The following ZNF451 variants were observed in gnomAD, a reference collection of about 807,000 sequenced individuals.
The protein encoded by ZNF451 is E3 SUMO-protein ligase ZNF451.
ZNF451 carries 80 observed loss-of-function variants against 107.1 expected under a neutral mutation model. The ratio of observed to expected loss-of-function variants is 0.75; its 90% confidence interval spans 0.62 to 0.90. The LOEUF is 0.90. ZNF451 is among the 40% of genes least tolerant of loss of function. The pLI is 0.00. For missense variants in ZNF451, 1,107 were observed against 1,236.2 expected (o/e 0.90, Z 1.57); for synonymous variants, 362 against 406.5 (o/e 0.89, Z 1.32).
At chr6:57,134,965 C>A in intron 7 of ZNF451, 95 bp downstream of exon 7, 1 of 966,536 alleles carries the variant, frequency 1.0e-6, no homozygotes, top group East Asian at 2.5e-5. Context: ...TTGCAATTAC[C>A]AGTGATACAC....
intron 3 of ZNF451, chr6:57,103,826 A>G: frequency 2.0e-6 from 2 of 985,318 alleles, no homozygotes; most frequent in Non-Finnish European, 1.2e-6. Context: ...ACACTTTTTA[A>G]TAATCTATTG....
At chr6:57,105,138 C>T (rs563920173) in intron 3 of ZNF451, 2 of 985,344 alleles carry the variant, frequency 2.0e-6, no homozygotes, top group East Asian at 1.1e-4. Context: ...TTATGCCTGC[C>T]ATGTTCAGAA....
At chr6:57,098,499 A>G (rs982222928) in intron 2 of ZNF451, among the ~76,000 whole-genome samples, 2 of 152,096 alleles carry the variant, frequency 1.3e-5, no homozygotes, top group Non-Finnish European at 2.9e-5. Flanking sequence ...ATCTTGAAGC[A>G]CAGTTCTCAT....
At chr6:57,094,343 C>T (rs1294294647) in intron 2 of ZNF451, among the ~76,000 whole-genome samples, 1 of 151,948 alleles carries the variant, frequency 6.6e-6, no homozygotes. Context: ...CAGGGTCTCA[C>T]TCTTGCCCAG....
chr6:57,161,158 C>G lies in ZNF451; in HGVS notation c.3139+6C>G. On this transcript the variant is annotated splice_donor_region_variant and intron_variant, in intron 14 of 14. Transcript: ENST00000370706. ...AGAATTTATATCCACAGAAGGTAAC[C>G]TAATAGAGTTAATCTCTTTTCTACT... The G allele has an allele frequency of 6.8e-7, 1 of 1,472,814 alleles. No individual in the cohort carries two copies. The highest frequency in any genetic ancestry group is 1.5e-5 in the South Asian group (1 of 67,904). 91.2% of individuals were successfully genotyped at this position (1,472,814 alleles called of 1,614,324 possible).
In ZNF451 at chr6:57,154,026, A is replaced by G. The variant is rs1245652711; in HGVS notation, c.3049A>G (p.Ser1017Gly). The change falls in exon 13 of 15, where the codon AGC (serine) becomes GGC (glycine). Residue 1017 changes from serine to glycine, a missense_variant. By Grantham distance (56) the Ser-to-Gly change is moderately conservative (BLOSUM62 0). Coordinates refer to ENST00000370706, the MANE Select transcript of ZNF451 (RefSeq NM_001031623.3). Reference protein sequence around the residue: ...EGDMMCALLNSISDTTKECDS... With the variant: ...EGDMMCALLNGISDTTKECDS... ...AGATATGATGTGTGCCTTGTTAAAT[A>G]GCATATCTGATACCACCAAAGGTAC... The G allele has an allele frequency of 1.2e-6, 2 of 1,614,202 alleles. No homozygotes were observed. The highest frequency in any genetic ancestry group is 1.7e-6 in the Non-Finnish European group (2 of 1,180,026).
intron 12 of ZNF451, 75 bp downstream of exon 12, chr6:57,152,426 A>T (rs949369653): frequency 2.6e-6 from 4 of 1,535,730 alleles, no homozygotes; most frequent in Non-Finnish European, 3.6e-6. Context: ...TTGAATTGTA[A>T]TGAGACTTAT....
Position 57,148,650 on chromosome 6 carries a change from C to T in ZNF451, c.2565C>T (p.Asp855=), listed in dbSNP as rs1832203465. The change falls in exon 10 of 15, where the codon GAC becomes GAT. Residue 855 remains aspartate (D), a synonymous_variant. Transcript: ENST00000370706. The part of the protein sequence containing the change: ...KQAINYSKSL[D]MEKGVENDLS... The stretch of plus-strand genomic sequence containing the variant: ...CAATAAACTATTCAAAAAGTTTAGA[C>T]ATGGAGAAAGGAGTTGAGAATGACC... 6.2e-7 allele frequency: 1 copy of T among 1,613,330 alleles called. No homozygotes were observed. Among genetic ancestry groups the T allele is most frequent in the Non-Finnish European group, 8.5e-7 (1 of 1,179,708 alleles).
At chr6:57,095,197 T>G (rs2127932213) in intron 2 of ZNF451, among the ~76,000 whole-genome samples, 1 of 152,266 alleles carries the variant, frequency 6.6e-6, no homozygotes, top group South Asian at 2.1e-4. Context: ...CTCTTTGCCA[T>G]TTTAGTGATT....
chr6:57,101,730 T>C, intron 3 of ZNF451: 3 of 1,550,600 alleles, frequency 1.9e-6, no homozygotes, highest in South Asian at 1.2e-5. Context: ...TTTGTACTAC[T>C]AGGGACATAA....
chr6:57,124,970 A>G, intron 4 of ZNF451, 111 bp downstream of exon 4: 1 of 582,316 alleles, frequency 1.7e-6, no homozygotes, highest in Admixed American at 4.2e-5. Context: ...CTCAGTATGT[A>G]CCCTAGATAG....
At chr6:57,138,739 ATATGTGTGTGTGTGTG>A (rs1831586618) in intron 7 of ZNF451, among the ~76,000 whole-genome samples, 3 of 73,256 alleles carry the variant, frequency 4.1e-5, no homozygotes, top group South Asian at 4.6e-4. Context: ...ATATATATAT[ATATGTGTGTGTGTGTG>A]TGTGTGTGTG....
chr6:57,100,785 T>C, intron 3 of ZNF451: 6 of 1,548,888 alleles, frequency 3.9e-6, no homozygotes, highest in Non-Finnish European at 5.2e-6. Context: ...AGAAAAATGA[T>C]CAAAATAATT....
At chr6:57,134,422 C>G (rs1008507509) in intron 6 of ZNF451, among the ~76,000 whole-genome samples, 8 of 152,116 alleles carry the variant, frequency 5.3e-5, no homozygotes, top group African/African-American at 1.9e-4. Context: ...GTAACCAAGG[C>G]AAGAAGTAAA....
chr6:57,107,147 A>G, intron 3 of ZNF451: 1 of 985,430 alleles, frequency 1.0e-6, no homozygotes, highest in Middle Eastern at 5.2e-4. Flanking sequence ...GGAAGTGGTC[A>G]TAGTCCAACC....
chr6:57,164,124 C>T (rs1340541695), intron 14 of ZNF451, among the ~76,000 whole-genome samples: 1 of 152,136 alleles, frequency 6.6e-6, no homozygotes, highest in Non-Finnish European at 1.5e-5. Context: ...ACTCTGACCA[C>T]GCAGGCCAGT....
intron 3 of ZNF451, chr6:57,102,318 A>AGG (rs1253994237): frequency 6.5e-6 from 8 of 1,229,286 alleles, no homozygotes; most frequent in Non-Finnish European, 8.1e-6. Flanking sequence ...CTTTCTTGAA[A>AGG]GGGTTGGACA....
intron 14 of ZNF451, among the ~76,000 whole-genome samples, chr6:57,168,110 AT>A (rs964016138): frequency 2.6e-5 from 4 of 151,710 alleles, no homozygotes; most frequent in South Asian, 4.2e-4. Context: ...AGTGATACAG[AT>A]TTTTTTTTAA....
chr6:57,096,717 A>G (rs1829338002), intron 2 of ZNF451, among the ~76,000 whole-genome samples: 1 of 151,590 alleles, frequency 6.6e-6, no homozygotes, highest in Admixed American at 6.6e-5. Context: ...ATCAATGGGA[A>G]AAGCTATCAT....
Sources: allele counts gnomAD v4.1 joint callset (sites outside exome capture counted in the v4.1 genomes callset), GRCh38; gene constraint gnomAD v4.1.1; transcripts MANE v1.5; gene names NCBI Gene and HGNC (gene_info 2026-07-23, HGNC 2026-07-21).